Variants in NFKB1 observed in about 807,000 individuals in gnomAD.
NFKB1 encodes nuclear factor kappa B subunit 1.
Under a neutral mutation model 105.1 loss-of-function variants are expected in NFKB1, and 9 were observed. The ratio of observed to expected loss-of-function variants is 0.09; its 90% confidence interval spans 0.05 to 0.15. The LOEUF (loss-of-function observed/expected upper bound fraction) is 0.15, where lower values mean the gene tolerates loss of function less well. NFKB1 is among the 10% of genes least tolerant of loss of function. NFKB1 has a pLI of 1.00. For missense variants in NFKB1, 830 were observed against 1,203.7 expected (o/e 0.69, Z 4.59); for synonymous variants, 440 against 442.2 (o/e 1.00, Z 0.06).
intron 1 of NFKB1, among the ~76,000 whole-genome samples, chr4:102,514,181 A>C (rs1034089419): frequency 6.6e-6 from 1 of 152,034 alleles, no homozygotes; most frequent in Admixed American, 6.5e-5. Flanking sequence ...TCTCAAAAAA[A>C]AAAAGAAAAT....
intron 22 of NFKB1, 60 bp downstream of exon 22, chr4:102,612,666 T>G: frequency 2.1e-6 from 3 of 1,448,712 alleles, no homozygotes; most frequent in Non-Finnish European, 2.9e-6. Context: ...TTAACATCTC[T>G]GGCCAGGGCA....
At chr4:102,516,326 T>C (rs568659412) in intron 1 of NFKB1, among the ~76,000 whole-genome samples, 9 of 151,106 alleles carry the variant, frequency 6.0e-5, no homozygotes, top group African/African-American at 2.2e-4. Flanking sequence ...AATTCTCAAC[T>C]GTTATTTTTT....
At position 102,564,131 on chromosome 4, in the gene NFKB1, C is replaced by T. The variant is rs116005085; in HGVS notation, c.259-2856C>T. On this transcript the variant is annotated intron_variant, in intron 5 of 23. Coordinates refer to ENST00000226574, the MANE Select transcript of NFKB1 (RefSeq NM_003998.4). ...CACCACGCCCGGCCCGAAAGCTTAA[C>T]TCTTAATAAGAGCCTGCAATGTTCA... 3.6e-3 allele frequency among the ~76,000 whole-genome samples: 552 copies of T among 152,192 alleles called. 4 individuals are homozygous for T. The highest frequency in any genetic ancestry group is 0.013 in the African/African-American group (538 of 41,526).
chr4:102,597,833 C>T (rs185085845), intron 15 of NFKB1, among the ~76,000 whole-genome samples, 172 bp downstream of exon 15: 118 of 152,296 alleles, frequency 7.7e-4, no homozygotes, highest in African/African-American at 2.6e-3. Flanking sequence ...ATTTGCTGCT[C>T]CATCCTGCTG....
chr4:102,594,656 C>G (rs989085707), intron 12 of NFKB1, among the ~76,000 whole-genome samples: 2 of 152,156 alleles, frequency 1.3e-5, no homozygotes, highest in Non-Finnish European at 2.9e-5. Context: ...ATTACAACCC[C>G]TCCCCAAATC....
chr4:102,527,120 G>C (rs749524668), intron 2 of NFKB1, among the ~76,000 whole-genome samples: 8 of 152,124 alleles, frequency 5.3e-5, no homozygotes, highest in Non-Finnish European at 1.2e-4. Flanking sequence ...CAGAACATTG[G>C]CTTAGTGGGG....
chr4:102,578,097 C>A, intron 7 of NFKB1: 1 of 517,684 alleles, frequency 1.9e-6, no homozygotes. Context: ...TTCTCACTTT[C>A]CTGCCTTGGC....
At chr4:102,529,671 A>G (rs982085876) in intron 2 of NFKB1, among the ~76,000 whole-genome samples, 165 bp from the exon 3 acceptor site, 2 of 152,160 alleles carry the variant, frequency 1.3e-5, no homozygotes, top group African/African-American at 4.8e-5. Context: ...AGAACTACCT[A>G]GGTCTCATGA....
intron 1 of NFKB1, 38 bp downstream of exon 1, chr4:102,501,826 A>AC (rs1262166226): frequency 6.6e-6 from 1 of 152,424 alleles, no homozygotes. Flanking sequence ...CCGGCAGGGG[A>AC]CGCGTGGCCC....
chr4:102,534,452 A>G (rs1182135613), intron 4 of NFKB1, among the ~76,000 whole-genome samples: 8 of 152,164 alleles, frequency 5.3e-5, no homozygotes, highest in Non-Finnish European at 1.0e-4. Flanking sequence ...CAGGAGAGGA[A>G]CATTTTTTCA....
intron 6 of NFKB1, among the ~76,000 whole-genome samples, chr4:102,574,624 C>CT (rs1306403734): frequency 2.6e-5 from 4 of 152,160 alleles, no homozygotes; most frequent in African/African-American, 9.7e-5. Flanking sequence ...GCCTGGGACT[C>CT]TTTAGGCATT....
At chr4:102,549,036 G>A (rs230517) in intron 5 of NFKB1, among the ~76,000 whole-genome samples, 89,527 of 151,860 alleles carry the variant, frequency 0.59, 26,567 homozygotes, top group Middle Eastern at 0.71. Flanking sequence ...GTAGCCCTAC[G>A]AGTATAGGAT....
Position 102,577,018 on chromosome 4 carries a change from G to A in NFKB1, c.550G>A (p.Gly184Arg), listed in dbSNP as rs370312017. The A allele has an allele frequency of 9.9e-6, 16 of 1,611,354 alleles. No homozygotes were observed. In the African/African-American group the frequency reaches 1.2e-4, roughly 12 times the overall value. ...CCTTGCCTATTTGCAAGCAGAAGGT[G>A]GAGGGGACCGGCAGCTGGGAGGTAA... ...PDLAYLQAEG[G>R]GDRQLGDREK... Residue 184 changes from glycine (G) to arginine (R), a missense_variant, in exon 7 of 24, where the codon GGA becomes AGA. Gly to Arg is a moderately radical substitution (Grantham distance 125). Transcript: ENST00000226574.
At chr4:102,539,642 G>C (rs1741872292) in intron 5 of NFKB1, among the ~76,000 whole-genome samples, 1 of 152,184 alleles carries the variant, frequency 6.6e-6, no homozygotes, top group Admixed American at 6.5e-5. Context: ...AAACACCAAA[G>C]ACTTGCCAAG....
intron 4 of NFKB1, among the ~76,000 whole-genome samples, chr4:102,534,106 G>A (rs1414372818): frequency 6.6e-6 from 1 of 152,162 alleles, no homozygotes; most frequent in Non-Finnish European, 1.5e-5. Context: ...TAAAACTGCA[G>A]TTAATTACAG....
At chr4:102,540,704 T>C (rs962388053) in intron 5 of NFKB1, among the ~76,000 whole-genome samples, 6 of 152,302 alleles carry the variant, frequency 3.9e-5, no homozygotes, top group Admixed American at 3.3e-4. Flanking sequence ...CTAACAGTTA[T>C]AGGAAGTAAT....
intron 20 of NFKB1, among the ~76,000 whole-genome samples, chr4:102,611,081 ATAAAC>A (rs1728366584): frequency 6.6e-6 from 1 of 152,226 alleles, no homozygotes; most frequent in Admixed American, 6.5e-5. Context: ...GGATGTAAAA[ATAAAC>A]TAAGAATTCT....
At chr4:102,606,416 GC>G (rs1727729993) in intron 16 of NFKB1, 79 bp from the exon 17 acceptor site, 2 of 1,327,784 alleles carry the variant, frequency 1.5e-6, no homozygotes, top group East Asian at 4.6e-5. Context: ...CCCACCTATT[GC>G]AGTAACAGCT....
rs552535111 is a variant in NFKB1 at position 102,513,141 on chromosome 4, G to A, written c.-8+11353G>A. On this transcript the variant is annotated intron_variant, in intron 1 of 23. Transcript: ENST00000226574. ...AAACTGTAGCATTAGAAATGTAGAC[G>A]CAAAAGGTCAGAACAAAGTCCAGTA... Among the ~76,000 whole-genome samples the A allele has an allele frequency of 5.3e-5, 8 of 152,252 alleles. No individual in the cohort carries two copies. The South Asian group carries it at 1.5e-3, about 28-fold the overall frequency.
Sources: gnomAD v4.1 joint callset for allele counts (sites outside exome capture counted in the v4.1 genomes callset) on GRCh38, gnomAD v4.1.1 for gene constraint, MANE v1.5 for transcripts, NCBI Gene and HGNC (gene_info 2026-07-23, HGNC 2026-07-21) for gene names.